The following TENM3 variants were observed in gnomAD, a reference collection of about 807,000 sequenced individuals.
TENM3 encodes teneurin-3.
TENM3 carries 63 observed loss-of-function variants against 255.1 expected under a neutral mutation model. That is an observed-to-expected ratio of 0.25 (90% CI 0.20 to 0.30). The LOEUF is 0.30. Ranked by LOEUF, TENM3 falls within the 10% of genes least tolerant of loss-of-function variation. The pLI is 1.00. For missense variants in TENM3, 2,929 were observed against 3,461.1 expected (o/e 0.85, Z 3.86); for synonymous variants, 1,306 against 1,322.3 (o/e 0.99, Z 0.27).
the TENM3 span, among the ~76,000 whole-genome samples, chr4:181,635,883 GAACA>G: frequency 3.3e-5 from 5 of 152,126 alleles, no homozygotes; most frequent in Admixed American, 1.3e-4. Flanking sequence ...GTCAGGAATT[GAACA>G]GACATGGCCA....
At chr4:182,482,860 A>G (rs1024314338) in intron 3 of TENM3, among the ~76,000 whole-genome samples, 1 of 152,198 alleles carries the variant, frequency 6.6e-6, no homozygotes, top group African/African-American at 2.4e-5. Flanking sequence ...AATTAAAAAG[A>G]TCCAAGGAAG....
chr4:182,441,421 T>A (rs867272571), intron 3 of TENM3, among the ~76,000 whole-genome samples: 1 of 152,224 alleles, frequency 6.6e-6, no homozygotes, highest in African/African-American at 2.4e-5. Context: ...AGCAATTTTT[T>A]AAAATCTGGA....
chr4:182,604,732 A>G (rs1748244531), intron 4 of TENM3, among the ~76,000 whole-genome samples: 1 of 152,222 alleles, frequency 6.6e-6, no homozygotes, highest in Non-Finnish European at 1.5e-5. Context: ...GCCATTTAAT[A>G]AAAGATTTAT....
chr4:182,359,535 A>C (rs1398508355), intron 3 of TENM3, among the ~76,000 whole-genome samples: 1 of 150,446 alleles, frequency 6.6e-6, no homozygotes, highest in Non-Finnish European at 1.5e-5. Context: ...CTCTGATGGT[A>C]GTTTGTATTT....
chr4:181,827,127 T>C, the TENM3 span, among the ~76,000 whole-genome samples: 1 of 152,130 alleles, frequency 6.6e-6, no homozygotes, highest in Non-Finnish European at 1.5e-5. Context: ...AACAAGGTCA[T>C]GTACAGGAAA....
At chr4:182,672,008 G>C (rs1755259573) in intron 6 of TENM3, among the ~76,000 whole-genome samples, 1 of 152,146 alleles carries the variant, frequency 6.6e-6, no homozygotes, top group African/African-American at 2.4e-5. Flanking sequence ...TGAATTGATA[G>C]AAGATAATTT....
chr4:181,465,893 T>G, the TENM3 span, among the ~76,000 whole-genome samples: 1 of 152,170 alleles, frequency 6.6e-6, no homozygotes, highest in Non-Finnish European at 1.5e-5. Context: ...GGTCCCGCCG[T>G]GCCACTGTGC....
At chr4:181,678,436 A>G in the TENM3 span, among the ~76,000 whole-genome samples, 2 of 152,004 alleles carry the variant, frequency 1.3e-5, no homozygotes, top group Non-Finnish European at 2.9e-5. Flanking sequence ...GGCAACGGGG[A>G]AGGCAAGAAT....
the TENM3 span, among the ~76,000 whole-genome samples, chr4:181,757,874 C>T: frequency 6.6e-6 from 1 of 152,136 alleles, no homozygotes; most frequent in Non-Finnish European, 1.5e-5. Flanking sequence ...TTAGCTTGTG[C>T]TGGAAGCATC....
rs185780942 is a variant in TENM3, at chr4:182,474,291, A to G, written c.512-126633A>G. Among the ~76,000 whole-genome samples the G allele has an allele frequency of 9.8e-5, 15 of 152,350 alleles. No individual in the cohort carries two copies. In the East Asian group the frequency reaches 2.5e-3, roughly 25 times the overall value. On this transcript the variant is annotated intron_variant, in intron 3 of 27. Coordinates refer to ENST00000511685, the MANE Select transcript of TENM3 (RefSeq NM_001080477.4). ...TTTTATGTATGATCATATTATGATTATTAATGCACTTGAAAATATTCTTAT... is the reference window on the plus strand; with the variant it reads ...TTTTATGTATGATCATATTATGATTGTTAATGCACTTGAAAATATTCTTAT...
chr4:182,069,712 C>CACAA, the TENM3 span, among the ~76,000 whole-genome samples: 1 of 130,306 alleles, frequency 7.7e-6, no homozygotes, highest in African/African-American at 2.7e-5. Flanking sequence ...CACACACACA[C>CACAA]ACAAATACAC....
chr4:181,593,019 T>G, the TENM3 span, among the ~76,000 whole-genome samples: 2 of 152,214 alleles, frequency 1.3e-5, no homozygotes, highest in Admixed American at 1.3e-4. Context: ...CATGGGAGTT[T>G]GATTTCGGTT....
the TENM3 span, among the ~76,000 whole-genome samples, chr4:181,593,026 G>A: frequency 2.6e-5 from 4 of 152,154 alleles, no homozygotes; most frequent in East Asian, 1.9e-4. Flanking sequence ...GTTTGATTTC[G>A]GTTTGCTTCT....
the TENM3 span, among the ~76,000 whole-genome samples, chr4:181,763,035 A>G: frequency 2.0e-5 from 3 of 152,248 alleles, no homozygotes; most frequent in Admixed American, 6.5e-5. Flanking sequence ...TGACAAATAT[A>G]TAATACTTTC....
the TENM3 span, among the ~76,000 whole-genome samples, chr4:182,030,052 T>TTTGTTG: frequency 0.21 from 28,344 of 134,426 alleles, 3,621 homozygotes; most frequent in African/African-American, 0.35. Context: ...TCAATGCATC[T>TTTGTTG]TTGTTGTTGT....
the TENM3 span, among the ~76,000 whole-genome samples, chr4:182,081,100 G>A: frequency 6.6e-6 from 1 of 152,110 alleles, no homozygotes; most frequent in Non-Finnish European, 1.5e-5. Flanking sequence ...GATTCATAAT[G>A]GTTGTTAATT....
At chr4:182,442,762 GTGTGTGTGTGTGTGTGTGTACATA>G (rs1772593015) in intron 3 of TENM3, among the ~76,000 whole-genome samples, 3 of 1,190 alleles carry the variant, frequency 2.5e-3, no homozygotes, top group Admixed American at 0.017. Flanking sequence ...CGACTAATTT[GTGTGTGTGTGTGTGTGTGTACATA>G]TGTGTGTGTG....
At chr4:182,069,831 T>A in the TENM3 span, among the ~76,000 whole-genome samples, 1 of 152,128 alleles carries the variant, frequency 6.6e-6, no homozygotes. Context: ...AGGCTACAGA[T>A]GAAGGGAGGA....
chr4:181,915,741 A>G, the TENM3 span, among the ~76,000 whole-genome samples: 1 of 151,832 alleles, frequency 6.6e-6, no homozygotes, highest in African/African-American at 2.4e-5. Context: ...AGGAGAACAC[A>G]GAAGATTGAC....
Sources: allele counts gnomAD v4.1 joint callset (sites outside exome capture counted in the v4.1 genomes callset), GRCh38; gene constraint gnomAD v4.1.1; transcripts MANE v1.5; gene names NCBI Gene and HGNC (gene_info 2026-07-23, HGNC 2026-07-21).